The following CDH20 variants were observed in gnomAD, a reference collection of about 807,000 sequenced individuals.
CDH20 encodes cadherin-20.
CDH20 carries 29 observed loss-of-function variants against 74.2 expected under a neutral mutation model. The ratio of observed to expected loss-of-function variants is 0.39; its 90% confidence interval spans 0.29 to 0.53. The LOEUF (loss-of-function observed/expected upper bound fraction) is 0.53. CDH20 is among the 20% of genes least tolerant of loss of function. CDH20 has a pLI of 0.69. For missense variants in CDH20, 988 were observed against 1,048.3 expected (o/e 0.94, Z 0.79); for synonymous variants, 469 against 405.4 (o/e 1.16, Z -1.88).
chr18:61,382,650 A>G (rs1403121570), intron 1 of CDH20, among the ~76,000 whole-genome samples: 2 of 152,238 alleles, frequency 1.3e-5, no homozygotes, highest in African/African-American at 4.8e-5. Flanking sequence ...AACCTATTGC[A>G]GAATTCATAC....
rs759745164 is a variant in CDH20, at chr18:61,499,227, C to T, written c.288C>T (p.Tyr96=). The change falls in exon 3 of 12, where the codon TAC becomes TAT. Residue 96 remains tyrosine (Y), a synonymous_variant. Coordinates refer to ENST00000262717, the MANE Select transcript of CDH20 (RefSeq NM_031891.4). ...ACAGGGGAGACGGATCCATCAAATA[C>T]ATCCTCTCGGGAGAAGGTGCTGGCA... ...DMDRGDGSIK[Y]ILSGEGAGIV... is the part of the protein sequence containing the mutation. 1.0e-5 allele frequency: 16 copies of T among 1,607,784 alleles called. No individual in the cohort carries two copies. The East Asian group carries it at 3.6e-4, about 36-fold the overall frequency.
At chr18:61,433,029 T>C (rs1195786987) in intron 1 of CDH20, among the ~76,000 whole-genome samples, 2 of 152,186 alleles carry the variant, frequency 1.3e-5, no homozygotes, top group Non-Finnish European at 1.5e-5. Context: ...GCAGTGTAAC[T>C]ACATGGAGAG....
At chr18:61,544,977 G>T in intron 9 of CDH20, 50 bp from the exon 10 acceptor site, 2 of 1,245,920 alleles carry the variant, frequency 1.6e-6, no homozygotes, top group Non-Finnish European at 2.4e-6. Flanking sequence ...CTGGGCCCTG[G>T]TGCTTTTTCC....
intron 1 of CDH20, among the ~76,000 whole-genome samples, chr18:61,377,602 A>G (rs1911282904): frequency 6.6e-6 from 1 of 152,038 alleles, no homozygotes; most frequent in Non-Finnish European, 1.5e-5. Context: ...ATTAAAATGA[A>G]CTAAAATTAA....
intron 1 of CDH20, among the ~76,000 whole-genome samples, chr18:61,347,289 T>A (rs1415712031): frequency 7.2e-5 from 3 of 41,736 alleles, no homozygotes; most frequent in African/African-American, 3.1e-4. Flanking sequence ...TCTCTGCTAA[T>A]ATATATATAT....
At chr18:61,364,870 C>T (rs138540131) in intron 1 of CDH20, among the ~76,000 whole-genome samples, 106 of 152,306 alleles carry the variant, frequency 7.0e-4, no homozygotes, top group African/African-American at 2.3e-3. Flanking sequence ...GACTAAGACA[C>T]GGCTACAGCT....
chr18:61,420,914 C>T (rs748623372), intron 1 of CDH20, among the ~76,000 whole-genome samples: 7 of 151,950 alleles, frequency 4.6e-5, no homozygotes, highest in East Asian at 1.9e-4. Context: ...ACTAGCTGGG[C>T]GTGTGGCGTG....
intron 1 of CDH20, among the ~76,000 whole-genome samples, chr18:61,422,598 C>G (rs1017569482): frequency 6.6e-6 from 1 of 151,886 alleles, no homozygotes; most frequent in Non-Finnish European, 1.5e-5. Context: ...CTCAAACTTT[C>G]TATGTTCAGG....
chr18:61,515,416 G>A (rs970806265), intron 6 of CDH20, among the ~76,000 whole-genome samples: 23 of 152,222 alleles, frequency 1.5e-4, no homozygotes, highest in Non-Finnish European at 2.8e-4. Context: ...TCCCTAGCGA[G>A]ATGAACCCGG....
intron 1 of CDH20, among the ~76,000 whole-genome samples, chr18:61,467,355 A>T (rs1012955359): frequency 1.3e-5 from 2 of 152,162 alleles, no homozygotes; most frequent in African/African-American, 2.4e-5. Flanking sequence ...GAAGAAACAT[A>T]TTTATGGTGT....
chr18:61,497,305 G>A (rs1468049965), intron 2 of CDH20, among the ~76,000 whole-genome samples: 1 of 152,138 alleles, frequency 6.6e-6, no homozygotes, highest in Non-Finnish European at 1.5e-5. Context: ...ATTTGGCCTT[G>A]AGTCAATCTG....
intron 1 of CDH20, among the ~76,000 whole-genome samples, chr18:61,396,650 A>G (rs996003198): frequency 1.3e-5 from 2 of 152,236 alleles, no homozygotes; most frequent in African/African-American, 4.8e-5. Context: ...GTGAATTTTT[A>G]GCAAACCTGG....
chr18:61,343,562 G>A (rs776453923), intron 1 of CDH20, among the ~76,000 whole-genome samples: 3 of 152,060 alleles, frequency 2.0e-5, no homozygotes, highest in Admixed American at 6.5e-5. Flanking sequence ...CTTTCTCTTG[G>A]TCAGGGTGCA....
chr18:61,347,319 T>C (rs200373264), intron 1 of CDH20, among the ~76,000 whole-genome samples: 1,367 of 77,324 alleles, frequency 0.018, 50 homozygotes, highest in African/African-American at 0.07. Flanking sequence ...TATATATATA[T>C]ACACACACAC....
At position 61,501,307 on chromosome 18, in the gene CDH20, T is replaced by G. The variant is rs1025981117; in HGVS notation, c.661+805T>G. 2.0e-5 allele frequency among the ~76,000 whole-genome samples: 3 copies of G among 152,144 alleles called. 1 individual carries two copies. The South Asian group carries it at 6.2e-4, about 32-fold the overall frequency. On this transcript the variant is annotated intron_variant, in intron 4 of 11. Transcript: ENST00000262717. ...ACCTTTGGATGTATGAAAGATTTCA[T>G]TTAATATGTTTGAGCTTGGCAAAGT...
intron 1 of CDH20, among the ~76,000 whole-genome samples, chr18:61,433,800 T>C (rs1397749827): frequency 6.6e-6 from 1 of 152,208 alleles, no homozygotes; most frequent in Non-Finnish European, 1.5e-5. Flanking sequence ...CTGTTTGTGT[T>C]GTTCAAGAGC....
chr18:61,337,501 C>T (rs1030929343), intron 1 of CDH20, among the ~76,000 whole-genome samples: 2 of 152,114 alleles, frequency 1.3e-5, no homozygotes, highest in Non-Finnish European at 2.9e-5. Context: ...TCATTTTTGA[C>T]ATTTGTTTTC....
chr18:61,418,675 A>G (rs1378124374), intron 1 of CDH20, among the ~76,000 whole-genome samples: 1 of 152,058 alleles, frequency 6.6e-6, no homozygotes, highest in Non-Finnish European at 1.5e-5. Flanking sequence ...CCAGGTATAA[A>G]GGCTATATAA....
chr18:61,429,301 G>T (rs1362089323), intron 1 of CDH20, among the ~76,000 whole-genome samples: 2 of 152,148 alleles, frequency 1.3e-5, no homozygotes, highest in Non-Finnish European at 2.9e-5. Context: ...TGTACTGAGT[G>T]TTGATTCTGT....
Sources: gnomAD v4.1 joint callset for allele counts (sites outside exome capture counted in the v4.1 genomes callset) on GRCh38, gnomAD v4.1.1 for gene constraint, MANE v1.5 for transcripts, NCBI Gene and HGNC (gene_info 2026-07-23, HGNC 2026-07-21) for gene names.